The following KDM5A variants were observed in gnomAD, a reference collection of about 807,000 sequenced individuals.
The protein encoded by KDM5A is lysine-specific demethylase 5A.
KDM5A carries 42 observed loss-of-function variants against 193.5 expected under a neutral mutation model. The ratio of observed to expected loss-of-function variants is 0.22; its 90% CI spans 0.17 to 0.28. The LOEUF (loss-of-function observed/expected upper bound fraction) is 0.28. KDM5A is among the 10% of genes least tolerant of loss of function. The probability of loss-of-function intolerance (pLI) is 1.00; values close to 1 mark genes in which losing one functional copy is unlikely to be tolerated. For missense variants in KDM5A, 1,692 were observed against 2,055.1 expected (o/e 0.82, Z 3.42); for synonymous variants, 796 against 718.1 (o/e 1.11, Z -1.73).
chr12:342,513 G>A (rs1197484431), intron 10 of KDM5A, among the ~76,000 whole-genome samples: 1 of 152,042 alleles, frequency 6.6e-6, no homozygotes, highest in Non-Finnish European at 1.5e-5. Context: ...AGGCTGGAGT[G>A]CAGTGGCATG....
intron 3 of KDM5A, among the ~76,000 whole-genome samples, chr12:368,123 A>G (rs1442634135): frequency 2.0e-5 from 3 of 152,230 alleles, no homozygotes; most frequent in African/African-American, 7.2e-5. Flanking sequence ...CATCCCAAAC[A>G]TGAATGAATT....
chr12:361,902 A>G (rs1288538940), intron 5 of KDM5A, among the ~76,000 whole-genome samples: 1 of 152,214 alleles, frequency 6.6e-6, no homozygotes, highest in Non-Finnish European at 1.5e-5. Flanking sequence ...AAAGAAAGGC[A>G]GAAATGGCAT....
chr12:303,300 A>T (rs1943468095), intron 24 of KDM5A, among the ~76,000 whole-genome samples: 1 of 152,212 alleles, frequency 6.6e-6, no homozygotes, highest in Non-Finnish European at 1.5e-5. Flanking sequence ...AAGAAAATGC[A>T]GCACATATAT....
At chr12:296,859 T>A (rs543060040) in intron 25 of KDM5A, among the ~76,000 whole-genome samples, 182 bp downstream of exon 25, 1 of 152,360 alleles carries the variant, frequency 6.6e-6, no homozygotes, top group Non-Finnish European at 1.5e-5. Context: ...CAGGTTGTGA[T>A]GACAGAAAAT....
chr12:307,229 T>A lies in KDM5A; in HGVS notation c.3931-140A>T, dbSNP rs2137387256. On this transcript the variant is annotated intron_variant, in intron 23 of 27. Transcript: ENST00000399788. This position sits in a 1 kb window ranked among gnomAD's most constrained non-coding sequence, Gnocchi z 4.3. ...CTTCAACAGTTAGTAGAAATCAAAT[T>A]ATTTGATTATGATGCCAAAGTCCAC... is the stretch of plus-strand genomic sequence containing the variant. 1.8e-6 allele frequency: 2 copies of A among 1,098,638 alleles called. No individual in the cohort carries two copies. Among genetic ancestry groups the A allele is most frequent in the Non-Finnish European group, 2.7e-6 (2 of 740,918 alleles). 68.1% of individuals were successfully genotyped at this position (1,098,638 alleles called of 1,614,324 possible).
At chr12:343,890 T>A (rs1159908373) in intron 10 of KDM5A, among the ~76,000 whole-genome samples, 2 of 152,116 alleles carry the variant, frequency 1.3e-5, no homozygotes, top group African/African-American at 4.8e-5. Flanking sequence ...TTGCCAGCAA[T>A]GGAACAAAGC....
chr12:349,416 C>T (rs1378141990), intron 10 of KDM5A, among the ~76,000 whole-genome samples: 1 of 151,494 alleles, frequency 6.6e-6, no homozygotes, highest in Non-Finnish European at 1.5e-5. Context: ...CTGCAACCTC[C>T]GCTTCCCAGG....
At chr12:304,993 G>T (rs1008756781) in intron 24 of KDM5A, among the ~76,000 whole-genome samples, 2 of 152,114 alleles carry the variant, frequency 1.3e-5, no homozygotes, top group African/African-American at 4.8e-5. Context: ...ATACAACTTC[G>T]TAAACAAAGA....
Position 310,945 on chromosome 12 carries a change from T to C in KDM5A, c.3156A>G (p.Ala1052=), listed in dbSNP as rs1591906922. Residue 1052 remains alanine (A), a synonymous_variant, in exon 21 of 28, where the codon GCA becomes GCG. Coordinates refer to ENST00000399788, the MANE Select transcript of KDM5A (RefSeq NM_001042603.3). ...QVESQVAAAR[A]WRERTGRTFL... ...ACGTCCGCCCAGTCCGTTCTCTCCA[T>C]GCCCGTGCTGCTGCTACCTGTGATT... 7 of 1,614,252 alleles carry C rather than the reference T, an allele frequency of 4.3e-6. No homozygotes were observed. Among genetic ancestry groups the C allele is most frequent in the African/African-American group, 1.3e-5 (1 of 75,068 alleles).
In KDM5A at chr12:333,662, G is replaced by GT. The variant is rs1470355271; in HGVS notation, c.1491-14dup. ...CTTTGGCTCCCCCCTAGCAAAAGAA[G>GT]TAACTGTTTAGCTAGGCAGAACATG... On this transcript the variant is annotated splice_polypyrimidine_tract_variant and intron_variant, in intron 11 of 27. Coordinates refer to ENST00000399788, the MANE Select transcript of KDM5A (RefSeq NM_001042603.3). 6.2e-7 allele frequency: 1 copy of GT among 1,613,454 alleles called. No individual in the cohort carries two copies. The highest frequency in any genetic ancestry group is 1.7e-5 in the Admixed American group (1 of 59,998).
rs1314411191 is a variant in KDM5A at position 285,109 on chromosome 12, G to A, written c.*347C>T. ...TGTAAGCCTCTAACTACTATCAGCT[G>A]GACAAAAGCCACATCCTATATGCCC... On this transcript the variant is annotated 3_prime_UTR_variant, in exon 28 of 28. Transcript: ENST00000399788. The A allele has an allele frequency of 2.8e-6, 1 of 357,358 alleles. No individual in the cohort carries two copies. The highest frequency in any genetic ancestry group is 2.0e-5 in the African/African-American group (1 of 50,014). The allele number at this position is 357,358 out of a possible 1,614,324, so 22.1% of individuals were successfully genotyped here. A position where few individuals can be genotyped will look rare whatever the true frequency, so the allele number is the denominator to read the frequency against.
At chr12:340,707 A>C (rs551457834) in intron 10 of KDM5A, among the ~76,000 whole-genome samples, 2 of 151,540 alleles carry the variant, frequency 1.3e-5, no homozygotes, top group South Asian at 2.1e-4. Context: ...AAAAAAAAAA[A>C]AAAAAAAAAA....
chr12:306,890 T>TC lies in KDM5A; in HGVS notation c.4074+55_4074+56insG. Reference sequence around the variant, plus strand: ...ATCACTGTTCAATAGCTTTTTTTTTTTTTAAACAAACCCAATGATCAGGTA... The same window carrying TC: ...ATCACTGTTCAATAGCTTTTTTTTTTCTTTAAACAAACCCAATGATCAGGTA... On this transcript the variant is annotated intron_variant, in intron 24 of 27. Transcript: ENST00000399788. The TC allele has an allele frequency of 3.2e-6, 5 of 1,567,520 alleles. No individual in the cohort carries two copies. The South Asian group carries it at 5.6e-5, about 17-fold the overall frequency.
intron 1 of KDM5A, among the ~76,000 whole-genome samples, chr12:386,768 T>C (rs1176119483): frequency 6.6e-6 from 1 of 152,174 alleles, no homozygotes; most frequent in Non-Finnish European, 1.5e-5. Context: ...TCAACCTGTA[T>C]TGCTCAGAGA....
At chr12:362,827 A>G in intron 5 of KDM5A, 136 bp downstream of exon 5, 2 of 751,372 alleles carry the variant, frequency 2.7e-6, no homozygotes, top group Non-Finnish European at 4.5e-6. Flanking sequence ...CAGGCACAGC[A>G]GCGCATACCA....
chr12:303,033 T>C (rs1453022176), intron 24 of KDM5A, among the ~76,000 whole-genome samples: 2 of 152,144 alleles, frequency 1.3e-5, no homozygotes, highest in Non-Finnish European at 2.9e-5. Context: ...CTACAGAGGA[T>C]GTGGAGAAAC....
chr12:388,502 C>T (rs1034270376), intron 1 of KDM5A: 3 of 361,046 alleles, frequency 8.3e-6, no homozygotes, highest in African/African-American at 2.1e-5. Flanking sequence ...CTCAGATAAC[C>T]TTTTCAGAAA....
chr12:377,338 G>A (rs1944519406), intron 3 of KDM5A, among the ~76,000 whole-genome samples: 1 of 151,872 alleles, frequency 6.6e-6, no homozygotes, highest in Non-Finnish European at 1.5e-5. Context: ...AAGAATACAG[G>A]AAAAATTAGA....
At chr12:338,775 T>C (rs984736272) in intron 10 of KDM5A, among the ~76,000 whole-genome samples, 2 of 152,050 alleles carry the variant, frequency 1.3e-5, no homozygotes, top group African/African-American at 2.4e-5. Context: ...ATTTAGTCAA[T>C]GACAATACGG....
Sources: allele counts gnomAD v4.1 joint callset (sites outside exome capture counted in the v4.1 genomes callset), GRCh38; gene constraint gnomAD v4.1.1; non-coding constraint Gnocchi (gnomAD v3.1); transcripts MANE v1.5; gene names NCBI Gene and HGNC (gene_info 2026-07-23, HGNC 2026-07-21).